The following PCDH15 variants were observed in gnomAD, a reference collection of about 807,000 sequenced individuals.
PCDH15 encodes the protein protocadherin-15.
A neutral mutation model predicts 178.5 loss-of-function variants in PCDH15; 129 were observed. The observed-to-expected ratio is 0.72, with a 90% CI of 0.63 to 0.84. The LOEUF (loss-of-function observed/expected upper bound fraction) is 0.84, where lower values mean the gene tolerates loss of function less well. Among genes scored for constraint, PCDH15 ranks in the 40% least tolerant of loss-of-function variants. The pLI, the probability that PCDH15 is intolerant of heterozygous loss-of-function variation, is 0.00. For missense variants in PCDH15, 2,230 were observed against 2,099.9 expected, an observed-to-expected ratio of 1.06 and a Z score of -1.21; for synonymous variants, 800 against 732.0, an observed-to-expected ratio of 1.09 and a Z score of -1.50.
intron 3 of PCDH15, among the ~76,000 whole-genome samples, chr10:54,455,816 C>T (rs2076781862): frequency 6.6e-6 from 1 of 152,126 alleles, no homozygotes; most frequent in Non-Finnish European, 1.5e-5. Flanking sequence ...CCCATGCAGC[C>T]TCAGGACATG....
At chr10:55,216,258 C>T (rs1840699182) in intron 1 of PCDH15, among the ~76,000 whole-genome samples, 1 of 151,926 alleles carries the variant, frequency 6.6e-6, no homozygotes, top group Admixed American at 6.6e-5. Flanking sequence ...TCTGAAATAA[C>T]TAAATGTGTG....
At chr10:54,516,084 G>C (rs1159529467) in intron 3 of PCDH15, among the ~76,000 whole-genome samples, 1 of 152,186 alleles carries the variant, frequency 6.6e-6, no homozygotes, top group East Asian at 1.9e-4. Context: ...CTAAAAAGCA[G>C]AGCGCCTCTC....
At chr10:55,185,450 G>A (rs1369267523) in intron 1 of PCDH15, among the ~76,000 whole-genome samples, 3 of 151,686 alleles carry the variant, frequency 2.0e-5, no homozygotes, top group Non-Finnish European at 4.4e-5. Flanking sequence ...TTTGATGAGT[G>A]CAACATCAAA....
intron 1 of PCDH15, among the ~76,000 whole-genome samples, chr10:55,292,854 A>C (rs1426894387): frequency 6.6e-6 from 1 of 152,164 alleles, no homozygotes; most frequent in Non-Finnish European, 1.5e-5. Context: ...TTAGTGTCTG[A>C]AGCTTTTCCA....
intron 2 of PCDH15, among the ~76,000 whole-genome samples, chr10:55,448,607 G>A (rs7909916): frequency 0.32 from 48,881 of 151,488 alleles, 8,406 homozygotes; most frequent in East Asian, 0.54. Flanking sequence ...ACATCTGAAT[G>A]GTGAAAGGGC....
intron 2 of PCDH15, among the ~76,000 whole-genome samples, chr10:55,119,031 T>A (rs766401498): frequency 6.6e-6 from 1 of 152,164 alleles, no homozygotes; most frequent in African/African-American, 2.4e-5. Flanking sequence ...AGTTCTCTCA[T>A]GGGCCCTGCA....
At chr10:53,811,664 C>A in intron 35 of PCDH15, 45 bp from the exon 36 acceptor site, 1 of 1,283,254 alleles carries the variant, frequency 7.8e-7, no homozygotes, top group South Asian at 1.6e-5. Context: ...GAATTCTTAT[C>A]ACGTTTCAGG....
At chr10:54,776,161 T>G (rs1949678914) in intron 1 of PCDH15, among the ~76,000 whole-genome samples, 1 of 152,178 alleles carries the variant, frequency 6.6e-6, no homozygotes, top group African/African-American at 2.4e-5. Flanking sequence ...ATTTTCTTTA[T>G]TCAGTCATCC....
intron 17 of PCDH15, among the ~76,000 whole-genome samples, chr10:54,075,611 T>C (rs2094327882): frequency 6.6e-6 from 1 of 152,172 alleles, no homozygotes; most frequent in Non-Finnish European, 1.5e-5. Context: ...CCCTATGTTT[T>C]CTTCTAAGAG....
At chr10:54,429,393 A>G (rs1188406201) in intron 3 of PCDH15, among the ~76,000 whole-genome samples, 1 of 152,190 alleles carries the variant, frequency 6.6e-6, no homozygotes, top group African/African-American at 2.4e-5. Flanking sequence ...TATCACCTCC[A>G]CTATTGTAAG....
At chr10:54,549,763 G>A (rs2086333272) in intron 2 of PCDH15, among the ~76,000 whole-genome samples, 1 of 151,828 alleles carries the variant, frequency 6.6e-6, no homozygotes, top group Non-Finnish European at 1.5e-5. Context: ...ATCAATTGTT[G>A]ACAATAATGT....
At position 54,003,032 on chromosome 10, in the gene PCDH15, T is replaced by G. The variant is rs190411797; in HGVS notation, c.2752-7267A>C. 2.2e-4 allele frequency among the ~76,000 whole-genome samples: 33 copies of G among 152,300 alleles called. No individual in the cohort carries two copies. In the East Asian group the frequency reaches 6.2e-3, roughly 29 times the overall value. On this transcript the variant is annotated intron_variant, in intron 20 of 37. Transcript: ENST00000644397. Reference sequence around the variant, plus strand: ...CTCACTGTGAAGGTCCGCAGCTTCATTCTTCGAAGTTAGCAAGACCACGAA... The same window carrying G: ...CTCACTGTGAAGGTCCGCAGCTTCAGTCTTCGAAGTTAGCAAGACCACGAA...
chr10:55,439,068 T>C (rs1159648447), intron 2 of PCDH15, among the ~76,000 whole-genome samples: 3 of 151,752 alleles, frequency 2.0e-5, no homozygotes, highest in African/African-American at 7.3e-5. Context: ...TTGGCTAATT[T>C]TTGTTTTTGT....
In PCDH15 at chr10:54,122,714, T is replaced by A. The variant is rs148744100; in HGVS notation, c.1917+10161A>T. Among the ~76,000 whole-genome samples, 193 of 152,070 alleles carry A rather than the reference T, an allele frequency of 1.3e-3. 1 individual carries two copies. The highest frequency in any genetic ancestry group is 4.5e-3 in the African/African-American group (185 of 41,486). On this transcript the variant is annotated intron_variant, in intron 15 of 37. Coordinates refer to ENST00000644397, the MANE Select transcript of PCDH15 (RefSeq NM_001384140.1). ...ATTTTAGCAAGGTACTAGGATACAA[T>A]CAATGAACAAAAATCTGTAGGAGTT... is the stretch of plus-strand genomic sequence containing the variant.
At chr10:55,188,846 A>T (rs1195287474) in intron 1 of PCDH15, among the ~76,000 whole-genome samples, 1 of 151,940 alleles carries the variant, frequency 6.6e-6, no homozygotes, top group Non-Finnish European at 1.5e-5. Flanking sequence ...GTTGTACCAC[A>T]TTACATTCAA....
At chr10:55,186,118 T>C (rs1839793489) in intron 1 of PCDH15, among the ~76,000 whole-genome samples, 1 of 151,546 alleles carries the variant, frequency 6.6e-6, no homozygotes. Context: ...GAAGCCTATT[T>C]GAGTAAATAA....
At chr10:54,898,820 C>T (rs1954590067) in intron 2 of PCDH15, among the ~76,000 whole-genome samples, 1 of 152,124 alleles carries the variant, frequency 6.6e-6, no homozygotes, top group South Asian at 2.1e-4. Context: ...TTCAGTATAT[C>T]ATGTCCATTT....
At chr10:54,157,213 C>T (rs1444275431) in intron 13 of PCDH15, among the ~76,000 whole-genome samples, 1 of 152,244 alleles carries the variant, frequency 6.6e-6, no homozygotes, top group Non-Finnish European at 1.5e-5. Context: ...TCTGCATTTC[C>T]CTTCTGCACT....
At chr10:55,151,379 C>T (rs969612939) in intron 2 of PCDH15, among the ~76,000 whole-genome samples, 1 of 151,988 alleles carries the variant, frequency 6.6e-6, no homozygotes. Context: ...GAAATAAGAG[C>T]TAAGTATTCT....
Sources: allele counts gnomAD v4.1 joint callset (sites outside exome capture counted in the v4.1 genomes callset), GRCh38; gene constraint gnomAD v4.1.1; transcripts MANE v1.5; gene names NCBI Gene and HGNC (gene_info 2026-07-23, HGNC 2026-07-21).